The following IFFO2 variants were observed in gnomAD, a reference collection of about 807,000 sequenced individuals.
IFFO2 encodes the protein intermediate filament family orphan 2.
A neutral mutation model predicts 53.5 loss-of-function variants in IFFO2; 19 were observed. The observed-to-expected ratio is 0.36, with a 90% CI of 0.25 to 0.52. The LOEUF (loss-of-function observed/expected upper bound fraction) is 0.52. IFFO2 is among the 20% of genes least tolerant of loss of function. The pLI, the probability that IFFO2 is intolerant of heterozygous loss-of-function variation, is 0.94. For synonymous variants in IFFO2, 303 were observed against 313.6 expected (o/e 0.97, Z 0.36); for missense variants, 570 against 727.4 (o/e 0.78, Z 2.49).
At position 18,908,516 on chromosome 1, in the gene IFFO2, C is replaced by T; in HGVS notation, c.*45G>A. 2 of 1,392,256 alleles carry T rather than the reference C, an allele frequency of 1.4e-6. No homozygotes were observed. The highest frequency in any genetic ancestry group is 2.5e-5 in the South Asian group (2 of 80,940). 86.2% of individuals were successfully genotyped at this position (1,392,256 alleles called of 1,614,324 possible). ...TTCCTGGCCCCATGAGGAGAGGTGG[C>T]AGGGCCCCATCACCAAGACCACCAG... On this transcript the variant is annotated 3_prime_UTR_variant, in exon 9 of 9. Transcript: ENST00000455833.
intron 1 of IFFO2, among the ~76,000 whole-genome samples, chr1:18,948,277 G>T (rs4912006): frequency 0.79 from 120,539 of 152,164 alleles, 48,874 homozygotes; most frequent in East Asian, 0.94. Context: ...CACCCCCATT[G>T]TACAGAGCGA....
chr1:18,924,623 C>T (rs1044471027), intron 1 of IFFO2, among the ~76,000 whole-genome samples: 1 of 152,240 alleles, frequency 6.6e-6, no homozygotes, highest in African/African-American at 2.4e-5. Flanking sequence ...AGTGGCAGCG[C>T]CTGGATTCGA....
chr1:18,910,237 GGACA>G (rs1474395535), intron 8 of IFFO2, 101 bp downstream of exon 8: 2 of 1,296,176 alleles, frequency 1.5e-6, no homozygotes, highest in Non-Finnish European at 2.1e-6. Context: ...ACAGATGGAC[GGACA>G]GAGAGACAGG....
At chr1:18,913,929 T>C (rs6672612) in intron 5 of IFFO2, among the ~76,000 whole-genome samples, 5,857 of 150,802 alleles carry the variant, frequency 0.039, 202 homozygotes, top group East Asian at 0.14. Context: ...CCCCTGGGGT[T>C]CACGCCATTC....
At position 18,918,041 on chromosome 1, in the gene IFFO2, G is replaced by A. The variant is rs571745934; in HGVS notation, c.963+321C>T. Among the ~76,000 whole-genome samples the A allele has an allele frequency of 6.6e-6, 1 of 152,344 alleles. No homozygotes were observed. Among genetic ancestry groups the A allele is most frequent in the South Asian group, 2.1e-4 (1 of 4,828 alleles). On this transcript the variant is annotated intron_variant, in intron 4 of 8. Transcript: ENST00000455833. The surrounding 1 kb of genome is among the most constrained non-coding windows in gnomAD (Gnocchi z 5.2). ...GAAGGGGCAGGAAGCGGGACAATGG[G>A]TACAGTGTGGGCTGGTGAACCAAGC...
intron 1 of IFFO2, among the ~76,000 whole-genome samples, chr1:18,924,743 G>T (rs955844078): frequency 6.6e-6 from 1 of 152,176 alleles, no homozygotes; most frequent in Non-Finnish European, 1.5e-5. Context: ...CATTTTCCTC[G>T]AGTCTCCCTC....
intron 1 of IFFO2, among the ~76,000 whole-genome samples, chr1:18,925,808 TTGGATGGATGGATGGA>T (rs61077772): frequency 1.0e-4 from 5 of 49,740 alleles, no homozygotes; most frequent in East Asian, 1.3e-3. Flanking sequence ...GATGGATTGG[TTGGATGGATGGATGGA>T]TGGATGGATG....
chr1:18,950,082 GT>G (rs1936640471), intron 1 of IFFO2, among the ~76,000 whole-genome samples: 1 of 152,246 alleles, frequency 6.6e-6, no homozygotes, highest in Non-Finnish European at 1.5e-5. Flanking sequence ...AGATGGAGGG[GT>G]TTGTGTGTTT....
intron 1 of IFFO2, among the ~76,000 whole-genome samples, chr1:18,931,776 G>C (rs927006490): frequency 6.6e-6 from 1 of 152,178 alleles, no homozygotes; most frequent in African/African-American, 2.4e-5. Flanking sequence ...TGGCTCCCAA[G>C]CCTGGGCAGC....
chr1:18,934,222 CA>C (rs1936416928), intron 1 of IFFO2, among the ~76,000 whole-genome samples: 1 of 151,564 alleles, frequency 6.6e-6, no homozygotes. Flanking sequence ...CATGAGCCAC[CA>C]TGCCCAGTTA....
At position 18,905,811 on chromosome 1, in the gene IFFO2, CAG is replaced by C. The variant is rs1935939222; in HGVS notation, c.*2748_*2749del. ...GTATAAAACCCCCAAAAACAGGAGA[CAG>C]AGGGCAGCGCAGGAGAGCCCATCTG... On this transcript the variant is annotated 3_prime_UTR_variant, in exon 9 of 9. Transcript: ENST00000455833. 6.6e-6 allele frequency: 1 copy of C among 152,046 alleles called. No homozygotes were observed. The highest frequency in any genetic ancestry group is 2.4e-5 in the African/African-American group (1 of 41,360). The allele number at this position is 152,046 out of a possible 1,614,324, so 9.4% of individuals were successfully genotyped here.
rs140269163 is a variant in IFFO2 at position 18,943,187 on chromosome 1, C to T, written c.665+12481G>A. ...TTCAAGACCAGCCCCGGCAACATAG[C>T]GAGACCCCTATCTCAACAAAAATTA... On this transcript the variant is annotated intron_variant, in intron 1 of 8. Coordinates refer to ENST00000455833, the MANE Select transcript of IFFO2 (RefSeq NM_001136265.2). Among the ~76,000 whole-genome samples the T allele has an allele frequency of 5.1e-3, 781 of 151,982 alleles. 10 individuals are homozygous for T. The highest frequency in any genetic ancestry group is 0.018 in the African/African-American group (729 of 41,438).
intron 1 of IFFO2, among the ~76,000 whole-genome samples, chr1:18,937,643 C>A (rs962943293): frequency 6.6e-6 from 1 of 152,224 alleles, no homozygotes; most frequent in Non-Finnish European, 1.5e-5. Context: ...TTTATTGGAG[C>A]TTGTCATCTC....
At position 18,918,529 on chromosome 1, in the gene IFFO2, T is replaced by C; in HGVS notation, c.823-27A>G. The stretch of plus-strand genomic sequence containing the variant: ...TGCAGGGAGGACAGCAGGGTTTACA[T>C]GAGCGAGGGATGGAGCAAGCCTGGG... On this transcript the variant is annotated intron_variant, in intron 3 of 8. Coordinates refer to ENST00000455833, the MANE Select transcript of IFFO2 (RefSeq NM_001136265.2). This position sits in a 1 kb window ranked among gnomAD's most constrained non-coding sequence, Gnocchi z 5.2. The C allele has an allele frequency of 6.4e-7, 1 of 1,550,816 alleles. No homozygotes were observed. Among genetic ancestry groups the C allele is most frequent in the Non-Finnish European group, 8.7e-7 (1 of 1,146,260 alleles).
rs1003412213 is a variant in IFFO2, at chr1:18,916,517, G to T, written c.1103+386C>A. ...GCAGTGGTTCACGCCTGTAATCCCA[G>T]CACTTTGGGAGGCCAAGGCAGAAGC... On this transcript the variant is annotated intron_variant, in intron 5 of 8. Transcript: ENST00000455833. The surrounding 1 kb of genome is among the most constrained non-coding windows in gnomAD (Gnocchi z 4.3). Among the ~76,000 whole-genome samples, 1 of 152,216 alleles carries T rather than the reference G, an allele frequency of 6.6e-6. No individual in the cohort carries two copies. Among genetic ancestry groups the T allele is most frequent in the African/African-American group, 2.4e-5 (1 of 41,452 alleles).
At position 18,908,153 on chromosome 1, in the gene IFFO2, G is replaced by C. The variant is rs887082750; in HGVS notation, c.*408C>G. ...AATCAGAGGAGCAGGTGGGACGGAC[G>C]GCAGAAACCACATTACACCACGGCC... On this transcript the variant is annotated 3_prime_UTR_variant, in exon 9 of 9. Transcript: ENST00000455833. 1.4e-5 allele frequency: 3 copies of C among 210,642 alleles called. No individual in the cohort carries two copies. The Admixed American group carries it at 1.5e-4, about 11-fold the overall frequency. The allele number at this position is 210,642 out of a possible 1,614,324, so 13.0% of individuals were successfully genotyped here.
rs1443864963 is a variant in IFFO2, at chr1:18,906,916, T to C, written c.*1645A>G. ...AACACATTCTCACGCTCTCTCTCTC[T>C]CTCTACATATATCTTTTATGTACAG... On this transcript the variant is annotated 3_prime_UTR_variant, in exon 9 of 9. Transcript: ENST00000455833. The C allele has an allele frequency of 6.6e-6, 1 of 152,190 alleles. No homozygotes were observed. Among genetic ancestry groups the C allele is most frequent in the Non-Finnish European group, 1.5e-5 (1 of 68,040 alleles). The allele number at this position is 152,190 out of a possible 1,614,324, so 9.4% of individuals were successfully genotyped here. A position where few individuals can be genotyped will look rare whatever the true frequency, so the allele number is the denominator to read the frequency against.
chr1:18,912,151 G>C, intron 5 of IFFO2, 68 bp from the exon 6 acceptor site: 1 of 1,538,336 alleles, frequency 6.5e-7, no homozygotes. Flanking sequence ...ACAGGGGACA[G>C]AAAGGGGCAG....
Position 18,906,451 on chromosome 1 carries a change from G to T in IFFO2, c.*2110C>A, listed in dbSNP as rs565652652. 6.6e-6 allele frequency: 1 copy of T among 152,316 alleles called. No individual in the cohort carries two copies. The highest frequency in any genetic ancestry group is 2.4e-5 in the African/African-American group (1 of 41,552). The allele number at this position is 152,316 out of a possible 1,614,324, so 9.4% of individuals were successfully genotyped here. On this transcript the variant is annotated 3_prime_UTR_variant, in exon 9 of 9. Coordinates refer to ENST00000455833, the MANE Select transcript of IFFO2 (RefSeq NM_001136265.2). ...CAGGGCCGGCTTCCACGCTGCCCAC[G>T]AAACTCCCATACCACATTGTCCAAT...
Sources: gnomAD v4.1 joint callset for allele counts (sites outside exome capture counted in the v4.1 genomes callset) on GRCh38, gnomAD v4.1.1 for gene constraint, Gnocchi (gnomAD v3.1) non-coding constraint, MANE v1.5 for transcripts, NCBI Gene and HGNC (gene_info 2026-07-23, HGNC 2026-07-21) for gene names.